Variants in TFCP2 observed in about 807,000 individuals in gnomAD.
The protein encoded by TFCP2 is alpha-globin transcription factor CP2.
In TFCP2, 33 loss-of-function variants were observed where a neutral mutation model predicts 73.4. The observed-to-expected ratio is 0.45, with a 90% CI of 0.34 to 0.60. TFCP2 has a LOEUF of 0.60. Among genes scored for constraint, TFCP2 ranks in the 20% least tolerant of loss-of-function variants. The pLI is 0.01. For synonymous variants in TFCP2, 193 were observed against 211.6 expected, an observed-to-expected ratio of 0.91 and a Z score of 0.76; for missense variants, 352 against 604.0, an observed-to-expected ratio of 0.58 and a Z score of 4.37.
chr12:51,111,065 C>A, intron 4 of TFCP2, 82 bp from the exon 5 acceptor site: 1 of 930,618 alleles, frequency 1.1e-6, no homozygotes, highest in South Asian at 1.4e-5. Flanking sequence ...TTATATTACT[C>A]AATGTAGCTA....
chr12:51,095,228 A>C lies in TFCP2; in HGVS notation c.*13T>G, dbSNP rs762414959. On this transcript the variant is annotated 3_prime_UTR_variant, in exon 15 of 15. Coordinates refer to ENST00000257915, the MANE Select transcript of TFCP2 (RefSeq NM_005653.5). ...AAGGAAGGAGCAGCCACTGGGCACG[A>C]AACGCCGCACTCCTACTTCAGTATG... The C allele has an allele frequency of 6.2e-7, 1 of 1,614,110 alleles. No homozygotes were observed. The highest frequency in any genetic ancestry group is 8.5e-7 in the Non-Finnish European group (1 of 1,180,004).
intron 1 of TFCP2, among the ~76,000 whole-genome samples, chr12:51,142,956 G>A (rs983604801): frequency 8.6e-5 from 13 of 151,962 alleles, no homozygotes; most frequent in Admixed American, 8.5e-4. Flanking sequence ...CAACCCAACT[G>A]TAACTCCTAA....
intron 11 of TFCP2, among the ~76,000 whole-genome samples, chr12:51,101,120 G>A (rs942505790): frequency 2.6e-5 from 4 of 152,104 alleles, no homozygotes; most frequent in East Asian, 1.9e-4. Flanking sequence ...TGGCTAACAC[G>A]GTGAAACCCT....
At chr12:51,132,483 C>T (rs945183495) in intron 1 of TFCP2, among the ~76,000 whole-genome samples, 3 of 142,456 alleles carry the variant, frequency 2.1e-5, no homozygotes, top group Non-Finnish European at 4.5e-5. Context: ...ATTATCTTGC[C>T]TCAGTCTCCC....
At chr12:51,124,058 T>C (rs1385502099) in intron 1 of TFCP2, among the ~76,000 whole-genome samples, 1 of 152,008 alleles carries the variant, frequency 6.6e-6, no homozygotes, top group African/African-American at 2.4e-5. Flanking sequence ...ACAAAAACAG[T>C]AGCCTGAAGT....
At chr12:51,113,025 C>T (rs933277492) in intron 4 of TFCP2, among the ~76,000 whole-genome samples, 10 of 152,030 alleles carry the variant, frequency 6.6e-5, no homozygotes, top group African/African-American at 2.4e-4. Context: ...AATAGCATTC[C>T]CTGATTTCTC....
intron 5 of TFCP2, 46 bp downstream of exon 5, chr12:51,110,827 TAGTA>T: frequency 1.6e-6 from 2 of 1,247,046 alleles, no homozygotes; most frequent in Non-Finnish European, 2.4e-6. Context: ...AATAAACTGA[TAGTA>T]AGAGAGATAC....
chr12:51,103,779 C>A lies in TFCP2; in HGVS notation c.967-16G>T, dbSNP rs780859545. On this transcript the variant is annotated splice_polypyrimidine_tract_variant and intron_variant, in intron 9 of 14. Coordinates refer to ENST00000257915, the MANE Select transcript of TFCP2 (RefSeq NM_005653.5). The stretch of plus-strand genomic sequence containing the variant: ...GTAAGAGGTTCTGAAAGGGAGAGCA[C>A]GTTTTTTAGATAACCAAATAGATTT... 42 of 1,600,256 alleles carry A rather than the reference C, an allele frequency of 2.6e-5. No individual in the cohort carries two copies. Among genetic ancestry groups the A allele is most frequent in the Non-Finnish European group, 3.2e-5 (38 of 1,170,432 alleles).
At chr12:51,104,301 A>G in intron 8 of TFCP2, 98 bp from the exon 9 acceptor site, 1 of 949,288 alleles carries the variant, frequency 1.1e-6, no homozygotes, top group Middle Eastern at 2.3e-4. Flanking sequence ...GCTAGAGATT[A>G]AAAAAAAATC....
intron 1 of TFCP2, among the ~76,000 whole-genome samples, chr12:51,151,978 C>G (rs1941437836): frequency 6.6e-6 from 1 of 152,092 alleles, no homozygotes; most frequent in African/African-American, 2.4e-5. Context: ...TGGCAACGAT[C>G]ATAAAGATAA....
At chr12:51,161,822 T>C (rs1407465548) in intron 1 of TFCP2, among the ~76,000 whole-genome samples, 2 of 120,710 alleles carry the variant, frequency 1.7e-5, no homozygotes, top group African/African-American at 6.6e-5. Flanking sequence ...GCCCAGACAA[T>C]GGACCTACTA....
In TFCP2 at chr12:51,110,948, C is replaced by T. The variant is rs747534108; in HGVS notation, c.493G>A (p.Ala165Thr). ...ACTGTATTTAGTTGAGTTGGATTAG[C>T]CCTAGGATCGATTATACCCACAGAC... ...PMSVGIIDPR[A>T]NPTQLNTVEF... The change falls in exon 5 of 15, where the codon GCT becomes ACT. Residue 165 changes from alanine to threonine, a missense_variant. By Grantham distance (58) the Ala-to-Thr change is moderately conservative. Coordinates refer to ENST00000257915, the MANE Select transcript of TFCP2 (RefSeq NM_005653.5). 3 of 1,613,896 alleles carry T rather than the reference C, an allele frequency of 1.9e-6. No homozygotes were observed. The highest frequency in any genetic ancestry group is 2.2e-5 in the South Asian group (2 of 91,068).
chr12:51,093,801 T>TA lies in TFCP2; in HGVS notation c.*1439dup, dbSNP rs1312734813. The TA allele has an allele frequency of 6.6e-6, 1 of 151,500 alleles. No homozygotes were observed. The highest frequency in any genetic ancestry group is 1.5e-5 in the Non-Finnish European group (1 of 67,954). 9.4% of individuals were successfully genotyped at this position (151,500 alleles called of 1,614,324 possible). On this transcript the variant is annotated 3_prime_UTR_variant, in exon 15 of 15. Coordinates refer to ENST00000257915, the MANE Select transcript of TFCP2 (RefSeq NM_005653.5). ...AGTTTAATGAACAAAAATCTCTGTA[T>TA]AAAAAACATTTAAACCTTATCAAAT...
chr12:51,095,200 G>C lies in TFCP2; in HGVS notation c.*41C>G, dbSNP rs775819471. ...CCCTTCAAGAGGGCCGTTTTCAGAG[G>C]TGAAGGAAGGAGCAGCCACTGGGCA... On this transcript the variant is annotated 3_prime_UTR_variant, in exon 15 of 15. Transcript: ENST00000257915. 1 of 1,609,438 alleles carries C rather than the reference G, an allele frequency of 6.2e-7. No homozygotes were observed. The highest frequency in any genetic ancestry group is 1.7e-5 in the Admixed American group (1 of 60,002).
intron 3 of TFCP2, among the ~76,000 whole-genome samples, chr12:51,116,687 G>A (rs1322417096): frequency 6.8e-6 from 1 of 147,876 alleles, no homozygotes; most frequent in African/African-American, 2.5e-5. Context: ...GTGTGATCTC[G>A]GCTCACCGCA....
In TFCP2 at chr12:51,115,048, C is replaced by G. The variant is rs187913757; in HGVS notation, c.457+1267G>C. The stretch of plus-strand genomic sequence containing the variant: ...TGCACTCCAGCCTGGGCAACAAGAG[C>G]GAAACTCCATCTCAGGAAAAAAAAA... On this transcript the variant is annotated intron_variant, in intron 4 of 14. Transcript: ENST00000257915. Among the ~76,000 whole-genome samples, 436 of 72,252 alleles carry G rather than the reference C, an allele frequency of 6.0e-3. 1 individual carries two copies. The Middle Eastern group carries it at 0.091, about 15-fold the overall frequency. The allele number at this position is 72,252 out of a possible 152,430, so 47.4% of individuals were successfully genotyped here.
chr12:51,169,383 G>C (rs10876146), intron 1 of TFCP2, among the ~76,000 whole-genome samples: 60,793 of 151,258 alleles, frequency 0.4, 12,854 homozygotes, highest in African/African-American at 0.53. Flanking sequence ...CGCCTGTAGT[G>C]CCAGCTACTC....
rs751468261 is a variant in TFCP2, at chr12:51,109,250, G to A, written c.588C>T (p.Phe196=). 7.4e-6 allele frequency: 12 copies of A among 1,614,090 alleles called. No homozygotes were observed. The Admixed American group carries it at 1.8e-4, about 25-fold the overall frequency. ...FIQVHCISTE[F]TMRKHGGEKG... is the part of the protein sequence containing the mutation. ...TTTCTCCACCATGTTTCCTCATAGT[G>A]AACTCTGTGCTAATACAGTGCACCT... Residue 196 remains phenylalanine (F), a synonymous_variant, in exon 6 of 15, where the codon TTC becomes TTT. Transcript: ENST00000257915.
At chr12:51,129,655 A>C (rs755490611) in intron 1 of TFCP2, among the ~76,000 whole-genome samples, 8 of 152,026 alleles carry the variant, frequency 5.3e-5, no homozygotes, top group Non-Finnish European at 1.0e-4. Flanking sequence ...CTGTAAAGAG[A>C]TTTCAATAGC....
Sources: gnomAD v4.1 joint callset for allele counts (sites outside exome capture counted in the v4.1 genomes callset) on GRCh38, gnomAD v4.1.1 for gene constraint, MANE v1.5 for transcripts, NCBI Gene and HGNC (gene_info 2026-07-23, HGNC 2026-07-21) for gene names.